Variants in GLI3 observed in about 807,000 individuals in gnomAD.
The protein encoded by GLI3 is GLI family zinc finger 3.
In GLI3, 20 loss-of-function variants were observed where a neutral mutation model predicts 100.8. The observed-to-expected ratio is 0.20, with a 90% CI of 0.14 to 0.29. GLI3 has a LOEUF of 0.29. Among genes scored for constraint, GLI3 ranks in the 10% least tolerant of loss-of-function variants. GLI3 has a pLI of 1.00. For missense variants in GLI3, 2,040 were observed against 2,128.5 expected (o/e 0.96, Z 0.82); for synonymous variants, 938 against 860.5 (o/e 1.09, Z -1.58).
intron 3 of GLI3, among the ~76,000 whole-genome samples, chr7:42,088,884 G>C (rs566317061): frequency 2.0e-5 from 3 of 152,118 alleles, no homozygotes; most frequent in Non-Finnish European, 4.4e-5. Context: ...GCTCTCTTGC[G>C]CACTTCCGCT....
At chr7:42,125,990 G>GA (rs1428773473) in intron 3 of GLI3, among the ~76,000 whole-genome samples, 1 of 152,098 alleles carries the variant, frequency 6.6e-6, no homozygotes, top group Non-Finnish European at 1.5e-5. Context: ...ATTGGGGCTT[G>GA]AAAAAACAGC....
chr7:42,059,099 A>G (rs1382011710), intron 4 of GLI3, among the ~76,000 whole-genome samples: 1 of 152,270 alleles, frequency 6.6e-6, no homozygotes, highest in East Asian at 1.9e-4. Flanking sequence ...CTCACATTTT[A>G]GAATTAAGAA....
intron 1 of GLI3, among the ~76,000 whole-genome samples, chr7:42,254,869 A>G (rs1789069213): frequency 6.6e-6 from 1 of 150,540 alleles, no homozygotes; most frequent in African/African-American, 2.5e-5. Context: ...ACCTGTAGTG[A>G]GTGATTTTTC....
chr7:42,225,765 T>C (rs776560247), intron 1 of GLI3, among the ~76,000 whole-genome samples: 2 of 152,220 alleles, frequency 1.3e-5, no homozygotes, highest in Non-Finnish European at 2.9e-5. Context: ...TCTAGAATCC[T>C]GAATTCTAAC....
Position 41,963,405 on chromosome 7 carries a change from C to G in GLI3, c.*925G>C, listed in dbSNP as rs372166793. The G allele has an allele frequency of 2.0e-5, 3 of 152,118 alleles. No homozygotes were observed. Among genetic ancestry groups the G allele is most frequent in the African/African-American group, 7.2e-5 (3 of 41,420 alleles). The allele number at this position is 152,118 out of a possible 1,614,324, so 9.4% of individuals were successfully genotyped here. A position where few individuals can be genotyped will look rare whatever the true frequency, so the allele number is the denominator to read the frequency against. ...ACAAACACAGCAACTCATAAATATT[C>G]CCCCAACTAATTCTACCCAATTGCT... On this transcript the variant is annotated 3_prime_UTR_variant, in exon 15 of 15. Coordinates refer to ENST00000395925, the MANE Select transcript of GLI3 (RefSeq NM_000168.6).
At position 41,965,443 on chromosome 7, in the gene GLI3, A is replaced by G. The variant is rs1194425261; in HGVS notation, c.3630T>C (p.Ala1210=). The change falls in exon 15 of 15, where the codon GCT becomes GCC. Residue 1210 remains alanine, a synonymous_variant. Coordinates refer to ENST00000395925, the MANE Select transcript of GLI3 (RefSeq NM_000168.6). ...HPQNPLRSGP[A]GGYQTLGENS... ...TCTCCCCGAGGGTCTGATAGCCCCC[A>G]GCAGGCCCGCTCCTCAAGGGGTTCT... 1.9e-6 allele frequency: 3 copies of G among 1,607,922 alleles called. No homozygotes were observed. The highest frequency in any genetic ancestry group is 1.7e-6 in the Non-Finnish European group (2 of 1,177,094).
intron 2 of GLI3, among the ~76,000 whole-genome samples, chr7:42,149,438 A>G (rs1316214442): frequency 6.6e-6 from 1 of 152,248 alleles, no homozygotes; most frequent in East Asian, 1.9e-4. Flanking sequence ...ATAATAGCAG[A>G]TCAAAGAACC....
chr7:42,031,186 C>A (rs575982208), intron 7 of GLI3, among the ~76,000 whole-genome samples: 88 of 152,306 alleles, frequency 5.8e-4, no homozygotes, highest in Non-Finnish European at 9.0e-4. Flanking sequence ...ATTCTGAATT[C>A]TCTGCATTCA....
chr7:41,983,371 T>TATTC (rs1348597973), intron 10 of GLI3, among the ~76,000 whole-genome samples: 8 of 152,312 alleles, frequency 5.3e-5, no homozygotes, highest in African/African-American at 1.9e-4. Flanking sequence ...GTTTGTATCA[T>TATTC]ATTCCTAGGA....
chr7:42,210,125 C>T (rs1000331163), intron 2 of GLI3, among the ~76,000 whole-genome samples: 11 of 151,572 alleles, frequency 7.3e-5, no homozygotes, highest in East Asian at 1.9e-4. Flanking sequence ...CTGGTGAAGA[C>T]GCCCCGCTGT....
rs527690405 is a variant in GLI3 at position 42,186,074 on chromosome 7, C to T, written c.124+37056G>A. Among the ~76,000 whole-genome samples, 5 of 152,308 alleles carry T rather than the reference C, an allele frequency of 3.3e-5. No homozygotes were observed. The East Asian group carries it at 9.7e-4, about 29-fold the overall frequency. On this transcript the variant is annotated intron_variant, in intron 2 of 14. Coordinates refer to ENST00000395925, the MANE Select transcript of GLI3 (RefSeq NM_000168.6). Reference sequence around the variant, plus strand: ...TAAAACACAGCCTTAAAACGTGGCTCAGCATATGAGAACCAAATAGCGAAC... The same window carrying T: ...TAAAACACAGCCTTAAAACGTGGCTTAGCATATGAGAACCAAATAGCGAAC...
At chr7:42,127,585 G>A (rs73325664) in intron 3 of GLI3, among the ~76,000 whole-genome samples, 7,172 of 152,284 alleles carry the variant, frequency 0.047, 583 homozygotes, top group African/African-American at 0.16. Context: ...TTAAACTCCA[G>A]TAGTGTTTGG....
intron 10 of GLI3, among the ~76,000 whole-genome samples, chr7:41,990,574 A>G (rs1305860307): frequency 6.6e-6 from 1 of 152,234 alleles, no homozygotes; most frequent in Non-Finnish European, 1.5e-5. Flanking sequence ...TATAATTTTG[A>G]TCACTAAAAT....
At chr7:42,068,787 G>A (rs983582353) in intron 4 of GLI3, among the ~76,000 whole-genome samples, 4 of 152,134 alleles carry the variant, frequency 2.6e-5, no homozygotes, top group Non-Finnish European at 5.9e-5. Flanking sequence ...TTACCTAAGT[G>A]AGGGAGAGAC....
At chr7:42,079,044 T>C (rs1784943365) in intron 3 of GLI3, among the ~76,000 whole-genome samples, 1 of 152,206 alleles carries the variant, frequency 6.6e-6, no homozygotes, top group Non-Finnish European at 1.5e-5. Context: ...TATCACACTT[T>C]ACACATTTTG....
rs1212940751 is a variant in GLI3 at position 42,223,035 on chromosome 7, A to T, written c.124+95T>A. ...CTTTCTTTAGCGTCTCCTAGAACAA[A>T]CACTGGTCCAGGTGCAAACGCTCAA... On this transcript the variant is annotated intron_variant, in intron 2 of 14. Coordinates refer to ENST00000395925, the MANE Select transcript of GLI3 (RefSeq NM_000168.6). 4.1e-6 allele frequency: 6 copies of T among 1,464,834 alleles called. No individual in the cohort carries two copies. The Admixed American group carries it at 1.0e-4, about 25-fold the overall frequency. The allele number at this position is 1,464,834 out of a possible 1,614,324, so 90.7% of individuals were successfully genotyped here.
chr7:42,142,473 T>C (rs996041318), intron 3 of GLI3, among the ~76,000 whole-genome samples: 1 of 152,188 alleles, frequency 6.6e-6, no homozygotes, highest in Non-Finnish European at 1.5e-5. Flanking sequence ...CAGTCTCCTT[T>C]AATAAATTTA....
intron 10 of GLI3, among the ~76,000 whole-genome samples, chr7:42,006,747 A>G (rs1469288325): frequency 2.0e-5 from 3 of 152,178 alleles, no homozygotes; most frequent in Non-Finnish European, 2.9e-5. Context: ...CAAGTTTCTC[A>G]GGGGGAGACA....
intron 2 of GLI3, among the ~76,000 whole-genome samples, chr7:42,165,005 C>T (rs746817076): frequency 2.0e-5 from 3 of 149,152 alleles, no homozygotes; most frequent in Non-Finnish European, 4.5e-5. Context: ...CCAGGAGCAG[C>T]GACACGTGCC....
Sources: gnomAD v4.1 joint callset for allele counts (sites outside exome capture counted in the v4.1 genomes callset) on GRCh38, gnomAD v4.1.1 for gene constraint, MANE v1.5 for transcripts, NCBI Gene and HGNC (gene_info 2026-07-23, HGNC 2026-07-21) for gene names.